Variants in PTPRD observed in about 807,000 individuals in gnomAD.
PTPRD encodes receptor-type tyrosine-protein phosphatase delta.
In PTPRD, 34 loss-of-function variants were observed where a neutral mutation model predicts 214.5. The observed-to-expected ratio is 0.16, with a 90% CI of 0.12 to 0.21. The LOEUF is 0.21. Ranked by LOEUF, PTPRD falls within the 10% of genes least tolerant of loss-of-function variation. The pLI is 1.00. For synonymous variants in PTPRD, 1,128 were observed against 845.7 expected, an observed-to-expected ratio of 1.33 and a Z score of -5.79; for missense variants, 2,545 against 2,398.7, an observed-to-expected ratio of 1.06 and a Z score of -1.27.
intron 14 of PTPRD, among the ~76,000 whole-genome samples, chr9:8,622,222 T>C (rs1368388228): frequency 1.3e-5 from 2 of 151,970 alleles, no homozygotes; most frequent in Admixed American, 1.3e-4. Context: ...TATTGCACCA[T>C]ATTTTCTCAA....
At chr9:9,616,938 T>C (rs1419916383) in intron 7 of PTPRD, among the ~76,000 whole-genome samples, 2 of 152,184 alleles carry the variant, frequency 1.3e-5, no homozygotes, top group Non-Finnish European at 1.5e-5. Flanking sequence ...CCAATTATGG[T>C]CAATTTTAAA....
At chr9:10,470,599 G>T (rs984493184) in intron 2 of PTPRD, among the ~76,000 whole-genome samples, 2 of 152,230 alleles carry the variant, frequency 1.3e-5, no homozygotes, top group Non-Finnish European at 2.9e-5. Flanking sequence ...ATAGACTAGG[G>T]TTTTGTTGTG....
chr9:9,756,718 T>C lies in PTPRD; in HGVS notation c.-326+10092A>G, dbSNP rs1408120. Among the ~76,000 whole-genome samples the C allele has an allele frequency of 0.037, 5,575 of 152,234 alleles. 543 individuals carry two copies. The East Asian group carries it at 0.38, about 10-fold the overall frequency. On this transcript the variant is annotated intron_variant, in intron 6 of 45. Coordinates refer to ENST00000381196, the MANE Select transcript of PTPRD (RefSeq NM_002839.4). The stretch of plus-strand genomic sequence containing the variant: ...TTGTTCACTTTAACATGGTTATTTT[T>C]ATGGTATATGAATTTTACCTCAATA...
In PTPRD at chr9:8,315,806, AC is replaced by A. The variant is rs1416552400; in HGVS notation, c.*2067del. On this transcript the variant is annotated 3_prime_UTR_variant, in exon 46 of 46. Transcript: ENST00000381196. Reference sequence around the variant, plus strand: ...AGCTAAAATTAAACCAAAGTAGTATACTCATACCAAAACTCTTTAAGAGTTC... The same window carrying A: ...AGCTAAAATTAAACCAAAGTAGTATATCATACCAAAACTCTTTAAGAGTTC... 1 of 227,166 alleles carries A rather than the reference AC, an allele frequency of 4.4e-6. No homozygotes were observed. The highest frequency in any genetic ancestry group is 8.8e-6 in the Non-Finnish European group (1 of 114,196). 14.1% of individuals were successfully genotyped at this position (227,166 alleles called of 1,614,324 possible).
chr9:9,080,385 G>A (rs1402139196), intron 10 of PTPRD, among the ~76,000 whole-genome samples: 1 of 152,048 alleles, frequency 6.6e-6, no homozygotes, highest in African/African-American at 2.4e-5. Flanking sequence ...AGCTGTATGT[G>A]AATACTGATT....
intron 9 of PTPRD, among the ~76,000 whole-genome samples, chr9:9,197,774 C>A (rs1215370036): frequency 6.6e-6 from 1 of 152,284 alleles, no homozygotes; most frequent in East Asian, 1.9e-4. Flanking sequence ...TGTCAACACT[C>A]CTTTCATGTT....
At chr9:9,788,178 T>G (rs1009439379) in intron 5 of PTPRD, among the ~76,000 whole-genome samples, 1 of 152,132 alleles carries the variant, frequency 6.6e-6, no homozygotes, top group Non-Finnish European at 1.5e-5. Context: ...TTTTATTGTT[T>G]TATACACATA....
chr9:9,355,141 T>C (rs1173261509), intron 9 of PTPRD, among the ~76,000 whole-genome samples: 1 of 151,776 alleles, frequency 6.6e-6, no homozygotes, highest in African/African-American at 2.4e-5. Context: ...TGTGTTACTA[T>C]CACCACAATC....
intron 11 of PTPRD, chr9:8,862,339 G>C (rs1399538814): frequency 6.6e-6 from 1 of 152,254 alleles, no homozygotes; most frequent in African/African-American, 2.4e-5. Context: ...CTGGGCAACA[G>C]AGCCAGACTC....
chr9:10,041,495 T>C (rs2097296187), intron 3 of PTPRD, among the ~76,000 whole-genome samples: 1 of 151,638 alleles, frequency 6.6e-6, no homozygotes, highest in African/African-American at 2.4e-5. Flanking sequence ...ATATTATGTT[T>C]TAGAGCAACT....
intron 4 of PTPRD, among the ~76,000 whole-genome samples, chr9:10,028,222 G>T (rs1248204670): frequency 6.6e-6 from 1 of 152,134 alleles, no homozygotes; most frequent in Non-Finnish European, 1.5e-5. Context: ...TTCACCTTCT[G>T]CCATGATCGT....
chr9:9,550,657 G>A (rs191264298), intron 8 of PTPRD, among the ~76,000 whole-genome samples: 11 of 151,222 alleles, frequency 7.3e-5, no homozygotes, highest in South Asian at 2.1e-4. Context: ...GTAAAACCCC[G>A]CATGAAAAGA....
intron 8 of PTPRD, among the ~76,000 whole-genome samples, chr9:9,461,202 A>AG (rs2093625799): frequency 6.6e-6 from 1 of 151,588 alleles, no homozygotes; most frequent in Non-Finnish European, 1.5e-5. Context: ...TTGAGGTTAA[A>AG]AAAAAACTAC....
chr9:8,937,081 G>A (rs1246058345), intron 11 of PTPRD, among the ~76,000 whole-genome samples: 1 of 10,244 alleles, frequency 9.8e-5, no homozygotes, highest in African/African-American at 1.1e-4. Flanking sequence ...GAATAGAAAT[G>A]GTAGTTTTTT....
chr9:9,114,084 C>A (rs1344539947), intron 10 of PTPRD, among the ~76,000 whole-genome samples: 2 of 152,106 alleles, frequency 1.3e-5, no homozygotes, highest in African/African-American at 2.4e-5. Flanking sequence ...GAGCTATAAA[C>A]CATATCCTTT....
At chr9:10,558,409 T>C (rs1242220329) in intron 2 of PTPRD, among the ~76,000 whole-genome samples, 1 of 152,154 alleles carries the variant, frequency 6.6e-6, no homozygotes, top group East Asian at 1.9e-4. Context: ...ATAATATTCC[T>C]GAATCCCTAG....
At chr9:9,451,856 T>G (rs1440597366) in intron 8 of PTPRD, among the ~76,000 whole-genome samples, 2 of 150,928 alleles carry the variant, frequency 1.3e-5, no homozygotes, top group Non-Finnish European at 3.0e-5. Context: ...ACTGAATAAA[T>G]TAGAAGATGA....
At chr9:9,005,460 T>C (rs2099458064) in intron 11 of PTPRD, among the ~76,000 whole-genome samples, 1 of 152,064 alleles carries the variant, frequency 6.6e-6, no homozygotes, top group African/African-American at 2.4e-5. Context: ...AACATCATCA[T>C]GAAATAATTG....
intron 35 of PTPRD, among the ~76,000 whole-genome samples, chr9:8,406,569 G>A (rs185950988): frequency 1.1e-4 from 17 of 151,804 alleles, no homozygotes; most frequent in African/African-American, 1.7e-4. Context: ...TGCAGCTTTC[G>A]TCATCTTTGC....
Sources: allele counts gnomAD v4.1 joint callset (sites outside exome capture counted in the v4.1 genomes callset), GRCh38; gene constraint gnomAD v4.1.1; transcripts MANE v1.5; gene names NCBI Gene and HGNC (gene_info 2026-07-23, HGNC 2026-07-21).